Variants in HDLBP observed in about 807,000 individuals in gnomAD.
HDLBP encodes the protein vigilin.
Under a neutral mutation model 137.3 loss-of-function variants are expected in HDLBP, and 30 were observed. The observed-to-expected ratio is 0.22, with a 90% CI of 0.16 to 0.30. HDLBP has a LOEUF of 0.30. HDLBP is among the 10% of genes least tolerant of loss of function. The pLI is 1.00. For missense variants in HDLBP, 1,119 were observed against 1,667.3 expected, an observed-to-expected ratio of 0.67 and a Z score of 5.73; for synonymous variants, 606 against 596.0, an observed-to-expected ratio of 1.02 and a Z score of -0.24.
Position 241,256,181 on chromosome 2 carries a change from T to C in HDLBP, c.873+3A>G. ...GGGGATTTGCCTCCTCTAAATCGTGTACCTTCTCCTCATAAATCTTCTTGA... is the reference window on the plus strand; with the variant it reads ...GGGGATTTGCCTCCTCTAAATCGTGCACCTTCTCCTCATAAATCTTCTTGA... On this transcript the variant is annotated splice_donor_region_variant and intron_variant, in intron 7 of 27. Transcript: ENST00000310931. 6.2e-7 allele frequency: 1 copy of C among 1,613,256 alleles called. No individual in the cohort carries two copies. Among genetic ancestry groups the C allele is most frequent in the Non-Finnish European group, 8.5e-7 (1 of 1,179,194 alleles).
chr2:241,310,355 G>C (rs2075722162), intron 1 of HDLBP, among the ~76,000 whole-genome samples: 1 of 152,148 alleles, frequency 6.6e-6, no homozygotes, highest in Non-Finnish European at 1.5e-5. Flanking sequence ...GAGATATATT[G>C]TACAGCACGG....
intron 16 of HDLBP, 99 bp from the exon 17 acceptor site, chr2:241,242,777 A>G: frequency 9.4e-7 from 1 of 1,063,352 alleles, no homozygotes; most frequent in East Asian, 2.6e-5. Context: ...ATGAACACGC[A>G]GGCCTAGAGC....
rs759485848 is a variant in HDLBP at position 241,236,777 on chromosome 2, GAA to G, written c.2750-10_2750-9del. On this transcript the variant is annotated splice_polypyrimidine_tract_variant and intron_variant, in intron 20 of 27. Coordinates refer to ENST00000310931, the MANE Select transcript of HDLBP (RefSeq NM_005336.6). ...CTGGCTCTGTACTGTGAACTAGAGA[GAA>G]AGGGGAAAAGGGACAGCTGACAGCT... is the stretch of plus-strand genomic sequence containing the variant. 17 of 1,613,500 alleles carry G rather than the reference GAA, an allele frequency of 1.1e-5. No individual in the cohort carries two copies. The East Asian group carries it at 1.6e-4, about 15-fold the overall frequency.
chr2:241,261,400 T>C (rs927977054), intron 5 of HDLBP, among the ~76,000 whole-genome samples: 3 of 152,176 alleles, frequency 2.0e-5, no homozygotes, highest in Non-Finnish European at 2.9e-5. Flanking sequence ...ACTATCAATA[T>C]GATTACATGA....
intron 4 of HDLBP, 42 bp downstream of exon 4, chr2:241,264,406 G>A: frequency 7.4e-7 from 1 of 1,360,180 alleles, no homozygotes; most frequent in Non-Finnish European, 1.0e-6. Flanking sequence ...ACATAGACAT[G>A]TTACATGATA....
At chr2:241,252,720 G>C (rs1375826597) in intron 11 of HDLBP, among the ~76,000 whole-genome samples, 1 of 152,198 alleles carries the variant, frequency 6.6e-6, no homozygotes, top group Non-Finnish European at 1.5e-5. Context: ...GGCTTAGATG[G>C]ATTTCCAAAA....
chr2:241,273,013 C>T (rs2074230091), intron 1 of HDLBP: 14 of 985,168 alleles, frequency 1.4e-5, no homozygotes, highest in Non-Finnish European at 1.6e-5. Context: ...AAGGCGGTGC[C>T]GAGGAGTTGG....
chr2:241,246,129 T>C (rs980716808), intron 16 of HDLBP, among the ~76,000 whole-genome samples: 4 of 151,994 alleles, frequency 2.6e-5, no homozygotes, highest in Admixed American at 2.0e-4. Flanking sequence ...CACACACAAA[T>C]GTCAAAATAT....
chr2:241,295,395 C>T (rs2075141079), intron 1 of HDLBP, among the ~76,000 whole-genome samples: 1 of 152,186 alleles, frequency 6.6e-6, no homozygotes, highest in Non-Finnish European at 1.5e-5. Flanking sequence ...CTGCAGATGA[C>T]CTGTTTAGAA....
Position 241,227,448 on chromosome 2 carries a change from G to C in HDLBP, c.*2153C>G, listed in dbSNP as rs1006607632. The C allele has an allele frequency of 6.6e-5, 10 of 152,666 alleles. No homozygotes were observed. The highest frequency in any genetic ancestry group is 9.6e-5 in the African/African-American group (4 of 41,562). The allele number at this position is 152,666 out of a possible 1,614,324, so 9.5% of individuals were successfully genotyped here. A position where few individuals can be genotyped will look rare whatever the true frequency, so the allele number is the denominator to read the frequency against. Reference sequence around the variant, plus strand: ...AGATGATATGGAAGACATCCAACAAGGAGGAAAAGCACACGCACGCCTCAC... The same window carrying C: ...AGATGATATGGAAGACATCCAACAACGAGGAAAAGCACACGCACGCCTCAC... On this transcript the variant is annotated 3_prime_UTR_variant, in exon 28 of 28. Transcript: ENST00000310931.
chr2:241,286,004 GAGCA>G (rs1367075766), intron 1 of HDLBP, among the ~76,000 whole-genome samples: 1 of 152,170 alleles, frequency 6.6e-6, no homozygotes, highest in East Asian at 1.9e-4. Context: ...CTGGGAAAAA[GAGCA>G]AGACCTGTTT....
At position 241,230,092 on chromosome 2, in the gene HDLBP, G is replaced by A. The variant is rs1201189225; in HGVS notation, c.3591+61C>T. 4 of 1,589,156 alleles carry A rather than the reference G, an allele frequency of 2.5e-6. No homozygotes were observed. In the African/African-American group the frequency reaches 4.0e-5, roughly 16 times the overall value. On this transcript the variant is annotated intron_variant, in intron 26 of 27. Coordinates refer to ENST00000310931, the MANE Select transcript of HDLBP (RefSeq NM_005336.6). The surrounding 1 kb of genome is among the most constrained non-coding windows in gnomAD (Gnocchi z 5.0). ...ACCTTGTCCCCTGAAGCTCCTGGCT[G>A]GGCCTCAGGCCGGTGGACGTGCCAG...
In HDLBP at chr2:241,240,107, T is replaced by G; in HGVS notation, c.2185A>C (p.Thr729Pro). Residue 729 changes from threonine to proline, a missense_variant, in exon 18 of 28, where the codon ACT becomes CCT. By Grantham distance (38) the Thr-to-Pro change is conservative. Around this residue, in one of 4 missense-constraint regions of HDLBP, gnomAD observed 618 missense variants for 816.7 expected, o/e 0.76. Coordinates refer to ENST00000310931, the MANE Select transcript of HDLBP (RefSeq NM_005336.6). This position sits in a 1 kb window ranked among gnomAD's most constrained non-coding sequence, Gnocchi z 5.5. ...LAEEKQTKSF[T>P]VDIRAKPEYH... ...TCTGGCTTGGCGCGGATGTCAACAGTGAAACTCTTGGTTTGCTGCAGAAAC... is the reference window on the plus strand; with the variant it reads ...TCTGGCTTGGCGCGGATGTCAACAGGGAAACTCTTGGTTTGCTGCAGAAAC... The G allele has an allele frequency of 6.2e-7, 1 of 1,614,104 alleles. No individual in the cohort carries two copies. The highest frequency in any genetic ancestry group is 1.3e-5 in the African/African-American group (1 of 75,010).
At chr2:241,247,923 G>C in intron 14 of HDLBP, 80 bp downstream of exon 14, 1 of 945,310 alleles carries the variant, frequency 1.1e-6, no homozygotes, top group Non-Finnish European at 1.7e-6. Context: ...GGGTCCTGTG[G>C]GGGTCAGGAC....
At chr2:241,262,973 G>T in intron 4 of HDLBP, 47 bp from the exon 5 acceptor site, 1 of 1,434,646 alleles carries the variant, frequency 7.0e-7, no homozygotes, top group Non-Finnish European at 9.8e-7. Context: ...ATTAAAAGAA[G>T]GCCAACAGAT....
chr2:241,291,853 C>T (rs1280026459), intron 1 of HDLBP, among the ~76,000 whole-genome samples: 2 of 152,082 alleles, frequency 1.3e-5, no homozygotes, highest in African/African-American at 2.4e-5. Flanking sequence ...GAGGAAGGGG[C>T]CATAGCCAAA....
At position 241,228,274 on chromosome 2, in the gene HDLBP, G is replaced by A. The variant is rs183014750; in HGVS notation, c.*1327C>T. 6.6e-6 allele frequency: 1 copy of A among 152,452 alleles called. No homozygotes were observed. Among genetic ancestry groups the A allele is most frequent in the Non-Finnish European group, 1.5e-5 (1 of 68,108 alleles). The allele number at this position is 152,452 out of a possible 1,614,324, so 9.4% of individuals were successfully genotyped here. On this transcript the variant is annotated 3_prime_UTR_variant, in exon 28 of 28. Coordinates refer to ENST00000310931, the MANE Select transcript of HDLBP (RefSeq NM_005336.6). ...TAAGGATGTTAAGACCAGAAAACCA[G>A]AGACTAGGGCCCCGTCCTCAGCCCT...
chr2:241,290,466 C>T (rs958000568), intron 1 of HDLBP, among the ~76,000 whole-genome samples: 23 of 152,036 alleles, frequency 1.5e-4, no homozygotes, highest in African/African-American at 2.2e-4. Flanking sequence ...CAAAATTAGC[C>T]GGGCGTGGCG....
chr2:241,256,529 G>T (rs371526690), intron 6 of HDLBP, 71 bp downstream of exon 6: 6 of 1,554,104 alleles, frequency 3.9e-6, no homozygotes, highest in South Asian at 2.2e-5. Flanking sequence ...CACTGGACAC[G>T]GCAACCCATG....
Sources: gnomAD v4.1 joint callset for allele counts (sites outside exome capture counted in the v4.1 genomes callset) on GRCh38, gnomAD v4.1.1 for gene constraint, gnomAD v4.1.1 regional missense constraint, Gnocchi (gnomAD v3.1) non-coding constraint, MANE v1.5 for transcripts, NCBI Gene and HGNC (gene_info 2026-07-23, HGNC 2026-07-21) for gene names.